WDR35: variants seen among roughly 807,000 people sequenced by gnomAD.
The protein encoded by WDR35 is WD repeat domain 35.
In WDR35, 118 loss-of-function variants were observed where a neutral mutation model predicts 158.3. That is an observed-to-expected ratio of 0.75 (90% CI 0.64 to 0.87). The LOEUF is 0.87. WDR35 is among the 40% of genes least tolerant of loss of function. The pLI is 0.00. For synonymous variants in WDR35, 448 were observed against 476.1 expected (o/e 0.94, Z 0.77); for missense variants, 1,263 against 1,405.8 (o/e 0.90, Z 1.62).
intron 5 of WDR35, among the ~76,000 whole-genome samples, chr2:19,976,680 A>G (rs1672224895): frequency 7.0e-6 from 1 of 142,900 alleles, no homozygotes; most frequent in East Asian, 2.1e-4. Flanking sequence ...TGCTAAAGCC[A>G]ATTGATACTT....
At chr2:19,982,025 A>G (rs957666781) in intron 3 of WDR35, among the ~76,000 whole-genome samples, 1 of 152,218 alleles carries the variant, frequency 6.6e-6, no homozygotes, top group Non-Finnish European at 1.5e-5. Context: ...ACAGCTCCCA[A>G]CTTACAATGG....
At position 19,930,433 on chromosome 2, in the gene WDR35, C is replaced by G. The variant is rs755314679; in HGVS notation, c.3084G>C (p.Gln1028His). Residue 1028 changes from glutamine to histidine, a missense_variant, in exon 25 of 27, where the codon CAG becomes CAC. Transcript: ENST00000281405. The stretch of plus-strand genomic sequence containing the variant: ...CAGTGTCCACACATCCCTCATAGAG[C>G]TGCCTCTGTGCAAGTATAAAGAAGT... ...AYHFFILAQR[Q>H]LYEGCVDTAL... 6.2e-6 allele frequency: 10 copies of G among 1,614,044 alleles called. No homozygotes were observed. The highest frequency in any genetic ancestry group is 1.7e-5 in the Admixed American group (1 of 59,992).
At chr2:19,914,448 C>A (rs539414106) in intron 25 of WDR35, among the ~76,000 whole-genome samples, 171 bp from the exon 26 acceptor site, 1 of 152,268 alleles carries the variant, frequency 6.6e-6, no homozygotes, top group South Asian at 2.1e-4. Context: ...TACATGATAT[C>A]CAAGGTTCTG....
Position 19,931,397 on chromosome 2 carries a change from C to G in WDR35, c.2836G>C (p.Glu946Gln). 1 of 1,613,248 alleles carries G rather than the reference C, an allele frequency of 6.2e-7. No individual in the cohort carries two copies. Among genetic ancestry groups the G allele is most frequent in the Non-Finnish European group, 8.5e-7 (1 of 1,179,638 alleles). The stretch of plus-strand genomic sequence containing the variant: ...AAAGGTTTACTTCCTTTCTTTGCCT[C>G]TTCATCTGCAATCTTAAACATTTTT... ...AKLMFKIADE[E>Q]AKKGSKPLRV... The change falls in exon 24 of 27, where the codon GAG becomes CAG. Residue 946 changes from glutamate (E) to glutamine (Q), a missense_variant. Glu to Gln is a conservative substitution (Grantham distance 29, BLOSUM62 2). Transcript: ENST00000281405.
intron 1 of WDR35, 68 bp from the exon 2 acceptor site, chr2:19,989,350 A>G (rs1672674017): frequency 1.5e-6 from 2 of 1,343,940 alleles, no homozygotes; most frequent in Non-Finnish European, 1.1e-6. Context: ...TCTGCAGGAG[A>G]TGAAAGCTGA....
chr2:19,947,295 G>C (rs1217066544), intron 14 of WDR35, among the ~76,000 whole-genome samples: 1 of 152,138 alleles, frequency 6.6e-6, no homozygotes, highest in Non-Finnish European at 1.5e-5. Flanking sequence ...GAGAACCACT[G>C]CTTTTGCAGC....
Position 19,913,601 on chromosome 2 carries a change from C to CT in WDR35, c.3469dup (p.Ser1157LysfsTer11). On this transcript the variant is annotated frameshift_variant, in exon 27 of 27. Coordinates refer to ENST00000281405, the MANE Select transcript of WDR35 (RefSeq NM_020779.4). LOFTEE classifies it high-confidence loss of function. ...GCATAAGGGGCAGAAGCTGTAGTGG[C>CT]TTATTTCCTGAGCAAGGACACCGTG... 6.2e-7 allele frequency: 1 copy of CT among 1,614,108 alleles called. No homozygotes were observed. The highest frequency in any genetic ancestry group is 8.5e-7 in the Non-Finnish European group (1 of 1,179,988).
intron 7 of WDR35, 32 bp downstream of exon 7, chr2:19,974,436 A>T: frequency 2.0e-6 from 3 of 1,537,936 alleles, no homozygotes; most frequent in Non-Finnish European, 1.7e-6. Flanking sequence ...AATAGAAATT[A>T]AAAAAATTTT....
intron 25 of WDR35, among the ~76,000 whole-genome samples, chr2:19,925,336 A>AT (rs1473941835): frequency 2.0e-5 from 3 of 152,254 alleles, no homozygotes; most frequent in Non-Finnish European, 4.4e-5. Context: ...ATAGCTCCTT[A>AT]TTCTGCCATA....
Position 19,978,862 on chromosome 2 carries a change from TCTC to T in WDR35, c.322_324del (p.Glu108del), listed in dbSNP as rs1672295610. On this transcript the variant is annotated inframe_deletion, in exon 5 of 27. Coordinates refer to ENST00000281405, the MANE Select transcript of WDR35 (RefSeq NM_020779.4). ...ACTGATTTATTTCGATTGTTGATCA[TCTC>T]CTCAATCCAAGAGCCTGTTTTCACA... The T allele has an allele frequency of 3.7e-6, 6 of 1,613,772 alleles. No individual in the cohort carries two copies. Among genetic ancestry groups the T allele is most frequent in the Non-Finnish European group, 5.1e-6 (6 of 1,179,818 alleles).
chr2:19,976,857 T>C (rs1672234062), intron 5 of WDR35, among the ~76,000 whole-genome samples: 1 of 152,104 alleles, frequency 6.6e-6, no homozygotes, highest in Non-Finnish European at 1.5e-5. Context: ...TCTCACTCTT[T>C]TGCCCAGGCT....
rs909762686 is a variant in WDR35 at position 19,940,625 on chromosome 2, C to T, written c.1926+1134G>A. ...TGCTGACAGCTTTTAAACCTCACCT[C>T]TCCCTCTTCCCCTCTGCCTCACATG... On this transcript the variant is annotated intron_variant, in intron 17 of 26. Transcript: ENST00000281405. 5.3e-5 allele frequency among the ~76,000 whole-genome samples: 8 copies of T among 152,274 alleles called. No homozygotes were observed. The South Asian group carries it at 1.7e-3, about 32-fold the overall frequency.
chr2:19,931,594 T>C (rs1163968476), intron 23 of WDR35, among the ~76,000 whole-genome samples, 185 bp from the exon 24 acceptor site: 1 of 152,190 alleles, frequency 6.6e-6, no homozygotes, highest in Non-Finnish European at 1.5e-5. Flanking sequence ...TACCTATTCG[T>C]ATTTAGTTCT....
intron 16 of WDR35, among the ~76,000 whole-genome samples, chr2:19,945,223 C>G (rs549853690): frequency 6.4e-4 from 98 of 152,090 alleles, no homozygotes; most frequent in African/African-American, 2.1e-3. Flanking sequence ...AAAATGAGAA[C>G]AAAGGGGACT....
intron 2 of WDR35, among the ~76,000 whole-genome samples, chr2:19,986,852 T>G: frequency 6.6e-6 from 1 of 152,238 alleles, no homozygotes; most frequent in East Asian, 1.9e-4. Context: ...GGGTAATTTG[T>G]GTACACATAT....
intron 22 of WDR35, among the ~76,000 whole-genome samples, chr2:19,933,047 T>C (rs1670571249): frequency 6.6e-6 from 1 of 152,134 alleles, no homozygotes; most frequent in Non-Finnish European, 1.5e-5. Context: ...GACCAACCAT[T>C]AACTGGTCCT....
chr2:19,980,608 G>A, intron 4 of WDR35, 83 bp downstream of exon 4: 1 of 1,105,520 alleles, frequency 9.0e-7, no homozygotes. Context: ...GGTCTATTTT[G>A]GAGATGTTAT....
At chr2:19,943,050 G>C (rs1480422168) in intron 16 of WDR35, among the ~76,000 whole-genome samples, 1 of 151,926 alleles carries the variant, frequency 6.6e-6, no homozygotes, top group African/African-American at 2.4e-5. Context: ...GATATACTGA[G>C]GTTTGCATAT....
chr2:19,961,384 G>A (rs1450241972), intron 10 of WDR35, among the ~76,000 whole-genome samples: 1 of 152,216 alleles, frequency 6.6e-6, no homozygotes, highest in African/African-American at 2.4e-5. Flanking sequence ...CAACACTATA[G>A]ACATCTCAAC....
Sources: allele counts gnomAD v4.1 joint callset (sites outside exome capture counted in the v4.1 genomes callset), GRCh38; gene constraint gnomAD v4.1.1; transcripts MANE v1.5; gene names NCBI Gene and HGNC (gene_info 2026-07-23, HGNC 2026-07-21).